Variants in CLPP observed in about 807,000 individuals in gnomAD.
The protein encoded by CLPP is ATP-dependent Clp protease proteolytic subunit, mitochondrial.
In CLPP, 14 loss-of-function variants were observed where a neutral mutation model predicts 27.4. The ratio of observed to expected loss-of-function variants is 0.51; its 90% confidence interval spans 0.34 to 0.80. The LOEUF is 0.80. Among genes scored for constraint, CLPP ranks in the 30% least tolerant of loss-of-function variants. The pLI is 0.02. For synonymous variants in CLPP, 193 were observed against 166.6 expected (o/e 1.16, Z -1.22); for missense variants, 361 against 403.6 (o/e 0.89, Z 0.90).
In CLPP at chr19:6,361,933, T is replaced by C. The variant is rs751085786; in HGVS notation, c.263T>C (p.Met88Thr). The change falls in exon 2 of 6, where the codon ATG becomes ACG. Residue 88 changes from methionine (M) to threonine (T), a missense_variant. By Grantham distance (81) the Met-to-Thr change is moderately conservative. Around this residue, in one of 2 missense-constraint regions of CLPP, gnomAD observed 213 missense variants for 280.9 expected, o/e 0.76. Coordinates refer to ENST00000245816, the MANE Select transcript of CLPP (RefSeq NM_006012.4). Reference sequence around the variant, plus strand: ...CTGCGGGAGCGCATCGTGTGCGTCATGGGCCCGGTGAGCGCCCCGCGCCGG... The same window carrying C: ...CTGCGGGAGCGCATCGTGTGCGTCACGGGCCCGGTGAGCGCCCCGCGCCGG... Reference protein sequence around the residue: ...RLLRERIVCVMGPIDDSVASL... With the variant: ...RLLRERIVCVTGPIDDSVASL... 2.5e-6 allele frequency: 4 copies of C among 1,597,290 alleles called. No individual in the cohort carries two copies. Among genetic ancestry groups the C allele is most frequent in the Non-Finnish European group, 3.4e-6 (4 of 1,179,226 alleles).
rs2091873967 is a variant in CLPP, at chr19:6,368,693, G to A, written c.817G>A (p.Val273Ile). The change falls in exon 6 of 6, where the codon GTC becomes ATC. Residue 273 changes from valine to isoleucine, a missense_variant. Physicochemically the swap from Val to Ile is conservative, Grantham distance 29. Transcript: ENST00000245816. ...AGAAGCAGCGCCGGCAGCAGAACCT[G>A]TCCCAGCTAGCACCTGAGAGCTGGG... ...PVEAAPAAEP[V>I]PAST 2 of 1,554,884 alleles carry A rather than the reference G, an allele frequency of 1.3e-6. No individual in the cohort carries two copies. Among genetic ancestry groups the A allele is most frequent in the East Asian group, 2.4e-5 (1 of 41,122 alleles).
intron 2 of CLPP, chr19:6,362,169 C>T (rs1228650608): frequency 2.2e-5 from 13 of 601,598 alleles, no homozygotes; most frequent in Non-Finnish European, 3.3e-5. Flanking sequence ...CACCTGGCAC[C>T]GCTCCCCTCA....
At chr19:6,367,026 T>C (rs1175610700) in intron 5 of CLPP, among the ~76,000 whole-genome samples, 4 of 150,988 alleles carry the variant, frequency 2.6e-5, no homozygotes, top group Admixed American at 1.3e-4. Flanking sequence ...ATCACTTGAG[T>C]TCAGGAGTTC....
chr19:6,361,652 T>A lies in CLPP; in HGVS notation c.78T>A (p.Ala26=). Residue 26 remains alanine, a synonymous_variant, in exon 1 of 6, where the codon GCT becomes GCA. Coordinates refer to ENST00000245816, the MANE Select transcript of CLPP (RefSeq NM_006012.4). ...CCGCGCTGGGGCCTCGCCTCGCCGC[T>A]CACTTTCCAGCGCAGCGGCCGCCGC... is the stretch of plus-strand genomic sequence containing the variant. ...RYPALGPRLA[A]HFPAQRPPQR... is the part of the protein sequence containing the mutation. 1.4e-6 allele frequency: 2 copies of A among 1,420,906 alleles called. No individual in the cohort carries two copies. 88.0% of individuals were successfully genotyped at this position (1,420,906 alleles called of 1,614,324 possible).
chr19:6,366,734 G>A (rs1319581354), intron 5 of CLPP, among the ~76,000 whole-genome samples: 1 of 151,872 alleles, frequency 6.6e-6, no homozygotes, highest in African/African-American at 2.4e-5. Flanking sequence ...TGCCTCCTGG[G>A]CTCAAGCAAT....
rs1167867257 is a variant in CLPP at position 6,370,034 on chromosome 19, G to A, written c.*1324G>A. ...AAAAAGTCAGATTCTAGCTAGGTGG[G>A]ATGTGACAGAGAGCAGTTTCCAGAA... is the stretch of plus-strand genomic sequence containing the variant. On this transcript the variant is annotated 3_prime_UTR_variant, in exon 6 of 6. Transcript: ENST00000245816. Among the ~76,000 whole-genome samples the A allele has an allele frequency of 6.6e-6, 1 of 152,162 alleles. No individual in the cohort carries two copies. The highest frequency in any genetic ancestry group is 1.5e-5 in the Non-Finnish European group (1 of 68,036).
chr19:6,363,328 T>C (rs1030246747), intron 3 of CLPP, among the ~76,000 whole-genome samples: 49 of 151,924 alleles, frequency 3.2e-4, no homozygotes, highest in African/African-American at 1.1e-3. Flanking sequence ...TGTTTCACCA[T>C]GTTAGGCTGG....
chr19:6,368,813 T>C lies in CLPP; in HGVS notation c.*103T>C. The C allele has an allele frequency of 9.0e-7, 1 of 1,109,000 alleles. No individual in the cohort carries two copies. The highest frequency in any genetic ancestry group is 1.3e-6 in the Non-Finnish European group (1 of 793,288). The allele number at this position is 1,109,000 out of a possible 1,614,324, so 68.7% of individuals were successfully genotyped here. A position where few individuals can be genotyped will look rare whatever the true frequency, so the allele number is the denominator to read the frequency against. Reference sequence around the variant, plus strand: ...TGTTGCTGGGCTTGGAGGGGCCTCTTGAGGAACTTTTAATTTGCAGGGGTG... The same window carrying C: ...TGTTGCTGGGCTTGGAGGGGCCTCTCGAGGAACTTTTAATTTGCAGGGGTG... On this transcript the variant is annotated 3_prime_UTR_variant, in exon 6 of 6. Coordinates refer to ENST00000245816, the MANE Select transcript of CLPP (RefSeq NM_006012.4).
chr19:6,361,636 G>GGCCTCGCCTC lies in CLPP; in HGVS notation c.66_75dup (p.Ala26SerfsTer52). ...GCGTCATGCAGGTACCCCGCGCTGGGGCCTCGCCTCGCCGCTCACTTTCCA... is the reference window on the plus strand; with the variant it reads ...GCGTCATGCAGGTACCCCGCGCTGGGGCCTCGCCTCGCCTCGCCTCGCCGCTCACTTTCCA... On this transcript the variant is annotated frameshift_variant, in exon 1 of 6. Transcript: ENST00000245816. LOFTEE classifies it high-confidence loss of function. 1 of 1,429,654 alleles carries GGCCTCGCCTC rather than the reference G, an allele frequency of 7.0e-7. No homozygotes were observed. The highest frequency in any genetic ancestry group is 9.2e-7 in the Non-Finnish European group (1 of 1,091,330). The allele number at this position is 1,429,654 out of a possible 1,614,324, so 88.6% of individuals were successfully genotyped here. A position where few individuals can be genotyped will look rare whatever the true frequency, so the allele number is the denominator to read the frequency against.
At chr19:6,363,655 T>C (rs959811779) in intron 3 of CLPP, among the ~76,000 whole-genome samples, 2 of 152,024 alleles carry the variant, frequency 1.3e-5, no homozygotes, top group African/African-American at 4.8e-5. Flanking sequence ...TCCAGCACTT[T>C]GGGAGGCTGA....
intron 2 of CLPP, 120 bp from the exon 3 acceptor site, chr19:6,362,326 C>T (rs558396776): frequency 4.7e-5 from 33 of 704,352 alleles, no homozygotes; most frequent in Non-Finnish European, 7.6e-5. Context: ...TAAATTCTTC[C>T]CCATCCCTTT....
chr19:6,365,943 C>T (rs2091859918), intron 4 of CLPP, among the ~76,000 whole-genome samples: 2 of 149,988 alleles, frequency 1.3e-5, no homozygotes, highest in South Asian at 4.3e-4. Flanking sequence ...ATAGCAAGAC[C>T]CCATCTCTAA....
At position 6,361,937 on chromosome 19, in the gene CLPP, C is replaced by G. The variant is rs759903087; in HGVS notation, c.267C>G (p.Gly89=). The G allele has an allele frequency of 1.3e-6, 2 of 1,597,094 alleles. No individual in the cohort carries two copies. Among genetic ancestry groups the G allele is most frequent in the East Asian group, 4.5e-5 (2 of 44,768 alleles). ...LLRERIVCVM[G]PIDDSVASLV... Reference sequence around the variant, plus strand: ...GGGAGCGCATCGTGTGCGTCATGGGCCCGGTGAGCGCCCCGCGCCGGGACC... The same window carrying G: ...GGGAGCGCATCGTGTGCGTCATGGGGCCGGTGAGCGCCCCGCGCCGGGACC... Residue 89 remains glycine, a synonymous_variant, in exon 2 of 6, where the codon GGC becomes GGG. Coordinates refer to ENST00000245816, the MANE Select transcript of CLPP (RefSeq NM_006012.4).
At chr19:6,363,482 T>C (rs7245514) in intron 3 of CLPP, among the ~76,000 whole-genome samples, 51,271 of 152,032 alleles carry the variant, frequency 0.34, 14,179 homozygotes, top group African/African-American at 0.75. Context: ...CTGGCACATC[T>C]GGCAAGAGTC....
intron 5 of CLPP, among the ~76,000 whole-genome samples, chr19:6,367,559 T>A (rs1294581921): frequency 2.0e-5 from 3 of 151,762 alleles, no homozygotes; most frequent in African/African-American, 7.3e-5. Context: ...TGGCAAGGAT[T>A]AGTGACTGTC....
Position 6,361,908 on chromosome 19 carries a change from C to T in CLPP, c.238C>T (p.Leu80=). The T allele has an allele frequency of 6.3e-7, 1 of 1,598,430 alleles. No homozygotes were observed. The highest frequency in any genetic ancestry group is 8.5e-7 in the Non-Finnish European group (1 of 1,179,362). Residue 80 remains leucine (L), a synonymous_variant, in exon 2 of 6, where the codon CTG becomes TTG. Transcript: ENST00000245816. Reference sequence around the variant, plus strand: ...CGCCTATGACATCTACTCGCGGCTGCTGCGGGAGCGCATCGTGTGCGTCAT... The same window carrying T: ...CGCCTATGACATCTACTCGCGGCTGTTGCGGGAGCGCATCGTGTGCGTCAT... ...ERAYDIYSRL[L]RERIVCVMGP... is the part of the protein sequence containing the mutation.
At chr19:6,365,421 C>G (rs1253402986) in intron 4 of CLPP, among the ~76,000 whole-genome samples, 1 of 152,046 alleles carries the variant, frequency 6.6e-6, no homozygotes, top group Admixed American at 6.6e-5. Context: ...TGGAAGTGAG[C>G]TGAGATTGCG....
In CLPP at chr19:6,370,081, G is replaced by T. The variant is rs2091880688; in HGVS notation, c.*1371G>T. ...AGAAACTCCGAGCTGATGGCCCAAA[G>T]CAGGAAGATGGAGACCTGTCGCCTG... is the stretch of plus-strand genomic sequence containing the variant. On this transcript the variant is annotated 3_prime_UTR_variant, in exon 6 of 6. Transcript: ENST00000245816. Among the ~76,000 whole-genome samples the T allele has an allele frequency of 6.6e-6, 1 of 152,216 alleles. No homozygotes were observed. Among genetic ancestry groups the T allele is most frequent in the South Asian group, 2.1e-4 (1 of 4,836 alleles).
At chr19:6,362,662 T>C (rs934179483) in intron 3 of CLPP, 120 bp downstream of exon 3, 4 of 724,442 alleles carry the variant, frequency 5.5e-6, no homozygotes, top group African/African-American at 5.3e-5. Context: ...GCGTCAGAGT[T>C]CCAGAAGTGG....
Sources: gnomAD v4.1 joint callset for allele counts (sites outside exome capture counted in the v4.1 genomes callset) on GRCh38, gnomAD v4.1.1 for gene constraint, gnomAD v4.1.1 regional missense constraint, MANE v1.5 for transcripts, NCBI Gene and HGNC (gene_info 2026-07-23, HGNC 2026-07-21) for gene names.